Variants in HDAC9 observed in about 807,000 individuals in gnomAD.
The protein encoded by HDAC9 is histone deacetylase 9.
Under a neutral mutation model 139.4 loss-of-function variants are expected in HDAC9, and 41 were observed. The observed-to-expected ratio is 0.29, with a 90% CI of 0.23 to 0.38. The LOEUF (loss-of-function observed/expected upper bound fraction) is 0.38. Among genes scored for constraint, HDAC9 ranks in the 10% least tolerant of loss-of-function variants. The pLI is 1.00. For synonymous variants in HDAC9, 517 were observed against 476.2 expected, an observed-to-expected ratio of 1.09 and a Z score of -1.12; for missense variants, 1,147 against 1,297.0, an observed-to-expected ratio of 0.88 and a Z score of 1.78.
intron 2 of HDAC9, among the ~76,000 whole-genome samples, chr7:18,520,304 T>C (rs191027769): frequency 1.3e-5 from 2 of 152,298 alleles, no homozygotes; most frequent in East Asian, 1.9e-4. Context: ...TATTTTATTA[T>C]ACTGTCCTAT....
At chr7:18,477,803 T>C (rs1417672512) in intron 1 of HDAC9, among the ~76,000 whole-genome samples, 1 of 152,166 alleles carries the variant, frequency 6.6e-6, no homozygotes, top group Non-Finnish European at 1.5e-5. Flanking sequence ...TATTCCTTTA[T>C]CTAATGTTAA....
intron 11 of HDAC9, among the ~76,000 whole-genome samples, chr7:18,664,947 C>G (rs1198841747): frequency 6.6e-6 from 1 of 152,058 alleles, no homozygotes; most frequent in Non-Finnish European, 1.5e-5. Flanking sequence ...ATTTGTTGAA[C>G]AAATGAATGA....
chr7:18,450,800 T>C (rs1438445436), intron 1 of HDAC9, among the ~76,000 whole-genome samples: 5 of 152,182 alleles, frequency 3.3e-5, no homozygotes, highest in African/African-American at 1.2e-4. Context: ...ATATTGTGAT[T>C]GGTCAGCTTC....
Position 18,829,552 on chromosome 7 carries a change from T to C in HDAC9, c.2466+4T>C, listed in dbSNP as rs751400407. ...CAAGATATTGATTGTAGATCTGGTATGTATTCCTGGCCAGAGCTGCATTTT... is the reference window on the plus strand; with the variant it reads ...CAAGATATTGATTGTAGATCTGGTACGTATTCCTGGCCAGAGCTGCATTTT... On this transcript the variant is annotated splice_donor_region_variant and intron_variant, in intron 19 of 25. Coordinates refer to ENST00000686413, the MANE Select transcript of HDAC9 (RefSeq NM_178425.4). 2.6e-6 allele frequency: 4 copies of C among 1,559,936 alleles called. No individual in the cohort carries two copies. The highest frequency in any genetic ancestry group is 3.5e-6 in the Non-Finnish European group (4 of 1,133,616).
intron 1 of HDAC9, among the ~76,000 whole-genome samples, chr7:18,362,919 A>C (rs565168889): frequency 6.6e-6 from 1 of 152,290 alleles, no homozygotes; most frequent in South Asian, 2.1e-4. Context: ...GCCTGACTGA[A>C]AGTGCTGAAT....
At chr7:18,237,477 A>G (rs1173051913) in intron 2 of HDAC9, among the ~76,000 whole-genome samples, 2 of 152,202 alleles carry the variant, frequency 1.3e-5, no homozygotes, top group Non-Finnish European at 2.9e-5. Context: ...TGAAGGTGGA[A>G]TCTTAAGAAA....
intron 1 of HDAC9, chr7:18,162,217 C>T: frequency 1.1e-6 from 1 of 931,624 alleles, no homozygotes; most frequent in Non-Finnish European, 1.7e-6. Flanking sequence ...CTGCATTTTT[C>T]TTATGTTCTA....
chr7:18,806,582 T>C (rs1793730512), intron 17 of HDAC9, among the ~76,000 whole-genome samples: 2 of 152,222 alleles, frequency 1.3e-5, no homozygotes, highest in African/African-American at 2.4e-5. Flanking sequence ...GGCTCTATGC[T>C]TTTAAGGATG....
At chr7:18,747,801 G>A (rs1001754686) in intron 13 of HDAC9, among the ~76,000 whole-genome samples, 7 of 152,124 alleles carry the variant, frequency 4.6e-5, no homozygotes, top group African/African-American at 1.7e-4. Context: ...TCAAAATGCA[G>A]GTGCCATTCT....
chr7:18,609,270 G>A lies in HDAC9; in HGVS notation c.664+15241G>A, dbSNP rs553680567. Reference sequence around the variant, plus strand: ...TAGCTGCATGTTGCCACTTGAAATTGAACACTTGAAATGTGGCTAGTATGA... The same window carrying A: ...TAGCTGCATGTTGCCACTTGAAATTAAACACTTGAAATGTGGCTAGTATGA... On this transcript the variant is annotated intron_variant, in intron 6 of 25. Coordinates refer to ENST00000686413, the MANE Select transcript of HDAC9 (RefSeq NM_178425.4). Among the ~76,000 whole-genome samples, 50 of 152,258 alleles carry A rather than the reference G, an allele frequency of 3.3e-4. No homozygotes were observed. The South Asian group carries it at 0.01, about 32-fold the overall frequency.
At chr7:18,754,326 G>A (rs1230081808) in intron 14 of HDAC9, among the ~76,000 whole-genome samples, 1 of 151,980 alleles carries the variant, frequency 6.6e-6, no homozygotes, top group Admixed American at 6.6e-5. Flanking sequence ...TTTCCAAGAT[G>A]TGCATGCTCC....
intron 1 of HDAC9, among the ~76,000 whole-genome samples, chr7:18,130,788 T>C (rs943191325): frequency 7.2e-5 from 11 of 152,156 alleles, no homozygotes; most frequent in African/African-American, 2.7e-4. Context: ...CAATTTTCTA[T>C]TGCATGTTCA....
chr7:18,757,506 T>A (rs542795440), intron 14 of HDAC9, among the ~76,000 whole-genome samples: 1 of 152,302 alleles, frequency 6.6e-6, no homozygotes, highest in African/African-American at 2.4e-5. Context: ...TCTGTTCTGC[T>A]AAATTATTTC....
At chr7:18,266,547 C>T (rs971127420) in intron 2 of HDAC9, among the ~76,000 whole-genome samples, 1 of 152,112 alleles carries the variant, frequency 6.6e-6, no homozygotes, top group African/African-American at 2.4e-5. Context: ...CATCTCATCA[C>T]ACAGAATATT....
intron 24 of HDAC9, among the ~76,000 whole-genome samples, chr7:18,957,158 C>T (rs1033430910): frequency 1.5e-4 from 23 of 152,152 alleles, no homozygotes; most frequent in African/African-American, 5.1e-4. Flanking sequence ...GGAAAGCGAT[C>T]TCTCACCATT....
At chr7:18,629,732 A>G (rs1781763944) in intron 7 of HDAC9, among the ~76,000 whole-genome samples, 1 of 152,140 alleles carries the variant, frequency 6.6e-6, no homozygotes, top group Admixed American at 6.6e-5. Flanking sequence ...ACCAAAGCTC[A>G]CCTTATTCTT....
chr7:18,233,333 C>A (rs1308338497), intron 2 of HDAC9, among the ~76,000 whole-genome samples: 1 of 152,004 alleles, frequency 6.6e-6, no homozygotes, highest in Non-Finnish European at 1.5e-5. Flanking sequence ...ATAGAAGAGA[C>A]ATGACAGAAT....
rs147348962 is a variant in HDAC9 at position 18,267,322 on chromosome 7, G to A, written c.25+104973G>A. On this transcript the variant is annotated intron_variant, in intron 2 of 12. Transcript: ENST00000417496. ...GAGAACACTTAGGAATATTTCTCTT[G>A]CAATATTCAATACTACAATGCATTT... is the stretch of plus-strand genomic sequence containing the variant. Among the ~76,000 whole-genome samples, 253 of 151,992 alleles carry A rather than the reference G, an allele frequency of 1.7e-3. 2 individuals carry two copies. The highest frequency in any genetic ancestry group is 5.0e-3 in the African/African-American group (207 of 41,488).
chr7:18,333,096 G>A (rs1401021982), intron 1 of HDAC9, among the ~76,000 whole-genome samples: 1 of 151,456 alleles, frequency 6.6e-6, no homozygotes, highest in South Asian at 2.1e-4. Flanking sequence ...ATGTAATAAA[G>A]CAGAAATTAG....
Sources: allele counts gnomAD v4.1 joint callset (sites outside exome capture counted in the v4.1 genomes callset), GRCh38; gene constraint gnomAD v4.1.1; transcripts MANE v1.5; gene names NCBI Gene and HGNC (gene_info 2026-07-23, HGNC 2026-07-21).